The following DDRGK1 variants were observed in gnomAD, a reference collection of about 807,000 sequenced individuals.
DDRGK1 encodes the protein DDRGK domain-containing protein 1.
DDRGK1 carries 38 observed loss-of-function variants against 45.8 expected under a neutral mutation model. The ratio of observed to expected loss-of-function variants is 0.83; its 90% CI spans 0.64 to 1.09. The LOEUF (loss-of-function observed/expected upper bound fraction) is 1.09. DDRGK1 is among the 50% of genes least tolerant of loss of function. The pLI, the probability that DDRGK1 is intolerant of heterozygous loss-of-function variation, is 0.00. For synonymous variants in DDRGK1, 171 were observed against 168.7 expected (o/e 1.01, Z -0.11); for missense variants, 403 against 419.9 (o/e 0.96, Z 0.35).
intron 4 of DDRGK1, 113 bp from the exon 5 acceptor site, chr20:3,195,466 G>A (rs1157061439): frequency 7.1e-7 from 1 of 1,416,966 alleles, no homozygotes; most frequent in Non-Finnish European, 9.3e-7. Flanking sequence ...CCTTTTCTCA[G>A]AGACAGAGCT....
chr20:3,191,999 A>T (rs1056141300), intron 6 of DDRGK1, among the ~76,000 whole-genome samples, 178 bp from the exon 7 acceptor site: 7 of 147,468 alleles, frequency 4.7e-5, no homozygotes, highest in South Asian at 4.3e-4. Flanking sequence ...ACACACACAC[A>T]CTCACTATCA....
chr20:3,200,577 T>C, intron 2 of DDRGK1, 123 bp from the exon 3 acceptor site: 1 of 811,862 alleles, frequency 1.2e-6, no homozygotes, highest in Non-Finnish European at 2.0e-6. Flanking sequence ...CAAATGTCAC[T>C]AGCCCAGCTC....
chr20:3,191,993 ACACACACT>A (rs879186988), intron 6 of DDRGK1, among the ~76,000 whole-genome samples, 172 bp from the exon 7 acceptor site: 4 of 150,528 alleles, frequency 2.7e-5, no homozygotes, highest in South Asian at 2.1e-4. Context: ...ACACACACAC[ACACACACT>A]CACTATCACC....
At position 3,204,628 on chromosome 20, in the gene DDRGK1, G is replaced by C; in HGVS notation, c.-1C>G. 6.3e-7 allele frequency: 1 copy of C among 1,581,554 alleles called. No individual in the cohort carries two copies. The highest frequency in any genetic ancestry group is 8.6e-7 in the Non-Finnish European group (1 of 1,168,018). On this transcript the variant is annotated 5_prime_UTR_variant, in exon 1 of 9. Transcript: ENST00000354488. ...CCAAGTACCACACAGGCGCCACCAT[G>C]ACGAGGGCCTCAGTGCAGAACCACT...
intron 6 of DDRGK1, among the ~76,000 whole-genome samples, chr20:3,193,994 G>C (rs936005484): frequency 1.3e-5 from 2 of 152,146 alleles, no homozygotes; most frequent in African/African-American, 2.4e-5. Context: ...TGAGAGGGGA[G>C]TGCACACAGC....
chr20:3,204,466 C>G (rs1444088371), intron 1 of DDRGK1, 71 bp downstream of exon 1: 1 of 1,457,890 alleles, frequency 6.9e-7, no homozygotes, highest in African/African-American at 1.4e-5. Context: ...AGCCGCGGCG[C>G]GACGGTCCAC....
At chr20:3,201,578 G>T (rs141055522) in intron 2 of DDRGK1, among the ~76,000 whole-genome samples, 2 of 151,872 alleles carry the variant, frequency 1.3e-5, no homozygotes, top group Non-Finnish European at 2.9e-5. Flanking sequence ...CACAGATAGC[G>T]CTGCCTGGAT....
chr20:3,203,310 GCGC>G lies in DDRGK1; in HGVS notation c.195_197del (p.Arg68del). 1 of 1,608,368 alleles carries G rather than the reference GCGC, an allele frequency of 6.2e-7. No homozygotes were observed. The highest frequency in any genetic ancestry group is 8.5e-7 in the Non-Finnish European group (1 of 1,177,154). ...GTAGGCGGCTGCCCAGGTCCCTCCG[GCGC>G]CGAGGCCTGCCTCCAGCTCTCGGCT... is the stretch of plus-strand genomic sequence containing the variant. On this transcript the variant is annotated inframe_deletion, in exon 2 of 9. Coordinates refer to ENST00000354488, the MANE Select transcript of DDRGK1 (RefSeq NM_023935.3).
At position 3,203,292 on chromosome 20, in the gene DDRGK1, G is replaced by A; in HGVS notation, c.216C>T (p.Ser72=). 1.2e-6 allele frequency: 2 copies of A among 1,607,420 alleles called. No homozygotes were observed. Among genetic ancestry groups the A allele is most frequent in the Non-Finnish European group, 1.7e-6 (2 of 1,176,442 alleles). ...GRPRRRRDLG[S]RLQAQRRAQR... is the part of the protein sequence containing the mutation. Reference sequence around the variant, plus strand: ...GGGCTCGACGCTGGGCCTGTAGGCGGCTGCCCAGGTCCCTCCGGCGCCGAG... The same window carrying A: ...GGGCTCGACGCTGGGCCTGTAGGCGACTGCCCAGGTCCCTCCGGCGCCGAG... The change falls in exon 2 of 9, where the codon AGC becomes AGT. Residue 72 remains serine (S), a synonymous_variant. Transcript: ENST00000354488.
At chr20:3,200,518 C>T in intron 2 of DDRGK1, 64 bp from the exon 3 acceptor site, 4 of 1,426,310 alleles carry the variant, frequency 2.8e-6, no homozygotes, top group Non-Finnish European at 3.9e-6. Context: ...CGATGGATCC[C>T]CAACCCCTCG....
intron 4 of DDRGK1, among the ~76,000 whole-genome samples, chr20:3,197,969 A>C (rs2067018975): frequency 6.6e-6 from 1 of 150,854 alleles, no homozygotes; most frequent in Non-Finnish European, 1.5e-5. Flanking sequence ...AAGGAGTCTT[A>C]GCTGGGCACA....
intron 4 of DDRGK1, among the ~76,000 whole-genome samples, chr20:3,197,946 GATC>G (rs1447877903): frequency 1.4e-5 from 2 of 146,644 alleles, no homozygotes; most frequent in Non-Finnish European, 3.0e-5. Flanking sequence ...AAAAGGTTAA[GATC>G]ATCAAAAGCA....
intron 4 of DDRGK1, among the ~76,000 whole-genome samples, chr20:3,198,393 ACT>A (rs1430380868): frequency 3.5e-5 from 4 of 115,470 alleles, no homozygotes; most frequent in East Asian, 2.5e-4. Flanking sequence ...ACAGAGAGGG[ACT>A]CTGTCTCAAA....
At chr20:3,192,489 A>T (rs1030462079) in intron 6 of DDRGK1, among the ~76,000 whole-genome samples, 1 of 152,082 alleles carries the variant, frequency 6.6e-6, no homozygotes, top group African/African-American at 2.4e-5. Flanking sequence ...TGGCCGCCCC[A>T]CTGGCCTGGT....
rs2067050138 is a variant in DDRGK1, at chr20:3,203,333, T to C, written c.175A>G (p.Arg59Gly). ...QPGPLEPEEP[R>G]AGGRPRRRRD... Reference sequence around the variant, plus strand: ...CGGCGCCGAGGCCTGCCTCCAGCTCTCGGCTCCTCAGGCTCCAGGGGCCCA... The same window carrying C: ...CGGCGCCGAGGCCTGCCTCCAGCTCCCGGCTCCTCAGGCTCCAGGGGCCCA... Residue 59 changes from arginine to glycine, a missense_variant, in exon 2 of 9, where the codon AGA (arginine) becomes GGA (glycine). Transcript: ENST00000354488. 2 of 1,609,010 alleles carry C rather than the reference T, an allele frequency of 1.2e-6. No homozygotes were observed. The highest frequency in any genetic ancestry group is 2.2e-5 in the South Asian group (2 of 90,672).
At position 3,203,373 on chromosome 20, in the gene DDRGK1, G is replaced by A. The variant is rs1475943168; in HGVS notation, c.135C>T (p.Gly45=). 1 of 1,604,458 alleles carries A rather than the reference G, an allele frequency of 6.2e-7. No individual in the cohort carries two copies. Among genetic ancestry groups the A allele is most frequent in the Admixed American group, 1.7e-5 (1 of 58,296 alleles). The change falls in exon 2 of 9, where the codon GGC becomes GGT. Residue 45 remains glycine, a synonymous_variant. Transcript: ENST00000354488. The part of the protein sequence containing the change: ...PLHNEELAGA[G]RVAQPGPLEP... ...CCAGGGGCCCAGGCTGGGCCACCCG[G>A]CCTGCTCCTGCCAGCTCCTCATTGT...
chr20:3,200,150 T>C lies in DDRGK1; in HGVS notation c.409-48A>G, dbSNP rs373484602. 2.1e-4 allele frequency: 338 copies of C among 1,590,740 alleles called. 3 individuals are homozygous for C. The highest frequency in any genetic ancestry group is 6.8e-5 in the Non-Finnish European group (79 of 1,168,142). On this transcript the variant is annotated intron_variant, in intron 3 of 8. Coordinates refer to ENST00000354488, the MANE Select transcript of DDRGK1 (RefSeq NM_023935.3). The stretch of plus-strand genomic sequence containing the variant: ...GCACATCCCTCACCCCCGGCTAGAG[T>C]GTGCCCACCGCCCAGACAGACTAGG...
At chr20:3,204,355 C>T (rs905462375) in intron 1 of DDRGK1, among the ~76,000 whole-genome samples, 182 bp downstream of exon 1, 1 of 152,138 alleles carries the variant, frequency 6.6e-6, no homozygotes, top group East Asian at 1.9e-4. Flanking sequence ...GGTAGCGGCG[C>T]GGCCACCGAT....
rs2122228141 is a variant in DDRGK1, at chr20:3,191,827, A to G, written c.673-6T>C. 1.2e-6 allele frequency: 2 copies of G among 1,606,330 alleles called. No individual in the cohort carries two copies. The highest frequency in any genetic ancestry group is 1.7e-6 in the Non-Finnish European group (2 of 1,176,456). On this transcript the variant is annotated splice_region_variant and splice_polypyrimidine_tract_variant and intron_variant, in intron 6 of 8. Transcript: ENST00000354488. The stretch of plus-strand genomic sequence containing the variant: ...AAGAGCACAACCTTGGACTGCTACA[A>G]AAAGAAGGAGGAAAAGAAAGAGAGG...
Sources: gnomAD v4.1 joint callset for allele counts (sites outside exome capture counted in the v4.1 genomes callset) on GRCh38, gnomAD v4.1.1 for gene constraint, MANE v1.5 for transcripts, NCBI Gene and HGNC (gene_info 2026-07-23, HGNC 2026-07-21) for gene names.